Variants in LRCH1 observed in about 807,000 individuals in gnomAD.
LRCH1 encodes the protein leucine-rich repeat and calponin homology domain-containing protein 1.
In LRCH1, 23 loss-of-function variants were observed where a neutral mutation model predicts 94.9. The observed-to-expected ratio is 0.24, with a 90% confidence interval of 0.17 to 0.34. LRCH1 has a LOEUF of 0.34. LRCH1 is among the 10% of genes least tolerant of loss of function. The pLI, the probability that LRCH1 is intolerant of heterozygous loss-of-function variation, is 1.00. For synonymous variants in LRCH1, 364 were observed against 354.9 expected (o/e 1.03, Z -0.29); for missense variants, 790 against 945.9 (o/e 0.84, Z 2.16).
intron 1 of LRCH1, among the ~76,000 whole-genome samples, chr13:46,593,385 A>T (rs1001620625): frequency 1.3e-5 from 2 of 151,620 alleles, no homozygotes; most frequent in East Asian, 3.9e-4. Flanking sequence ...CCATTCTTCA[A>T]ACATTTCTAG....
rs1311415892 is a variant in LRCH1 at position 46,650,278 on chromosome 13, C to T, written c.385C>T (p.His129Tyr). 1.9e-6 allele frequency: 3 copies of T among 1,612,442 alleles called. No individual in the cohort carries two copies. The highest frequency in any genetic ancestry group is 2.5e-6 in the Non-Finnish European group (3 of 1,179,040). ...ATCACTGGAAATTCTTAATCTGTAT[C>T]ACAACTGTATCAGAGTCATTCCTGA... ...FVSLEILNLY[H>Y]NCIRVIPEAI... Residue 129 changes from histidine to tyrosine, a missense_variant, in exon 2 of 20, where the codon CAC (histidine) becomes TAC (tyrosine). By Grantham distance (83) the His-to-Tyr change is moderately conservative. This residue lies in a region of LRCH1 where 194 missense variants were observed against 293.5 expected (regional missense o/e 0.66). Coordinates refer to ENST00000389797, the MANE Select transcript of LRCH1 (RefSeq NM_001164211.2).
intron 2 of LRCH1, among the ~76,000 whole-genome samples, chr13:46,652,358 A>G (rs906002707): frequency 7.3e-5 from 11 of 151,262 alleles, no homozygotes; most frequent in Non-Finnish European, 1.3e-4. Flanking sequence ...TTACAGGCGT[A>G]AGCCACTGCG....
chr13:46,556,656 C>T (rs1460283012), intron 1 of LRCH1, among the ~76,000 whole-genome samples: 3 of 152,118 alleles, frequency 2.0e-5, no homozygotes, highest in Non-Finnish European at 4.4e-5. Context: ...GAGACAGAGA[C>T]AAGTTACATA....
chr13:46,738,045 T>C (rs1209642500), intron 19 of LRCH1, among the ~76,000 whole-genome samples: 2 of 152,194 alleles, frequency 1.3e-5, no homozygotes, highest in Non-Finnish European at 2.9e-5. Context: ...CTTGCCTTCT[T>C]TAGATGAGGG....
rs1224680836 is a variant in LRCH1 at position 46,719,775 on chromosome 13, A to T, written c.1760-3446A>T. 3.3e-5 allele frequency among the ~76,000 whole-genome samples: 5 copies of T among 152,276 alleles called. No individual in the cohort carries two copies. The South Asian group carries it at 1.0e-3, about 32-fold the overall frequency. ...GACTTTGGGAGGCTGAGGCAGGTGG[A>T]TCGCTTGAGGTCAGGAGTTCAAGAC... On this transcript the variant is annotated intron_variant, in intron 16 of 19. Coordinates refer to ENST00000389797, the MANE Select transcript of LRCH1 (RefSeq NM_001164211.2).
At chr13:46,567,295 A>G (rs2050194662) in intron 1 of LRCH1, among the ~76,000 whole-genome samples, 1 of 152,202 alleles carries the variant, frequency 6.6e-6, no homozygotes, top group Non-Finnish European at 1.5e-5. Flanking sequence ...AGATCTTTCT[A>G]TACATTAATT....
intron 1 of LRCH1, among the ~76,000 whole-genome samples, chr13:46,618,233 C>T (rs1371438417): frequency 6.6e-6 from 1 of 152,158 alleles, no homozygotes; most frequent in African/African-American, 2.4e-5. Flanking sequence ...TTCCTCTCCC[C>T]CTAACCTGAC....
At chr13:46,650,672 G>T (rs538024906) in intron 2 of LRCH1, among the ~76,000 whole-genome samples, 33 of 143,164 alleles carry the variant, frequency 2.3e-4, no homozygotes, top group Non-Finnish European at 4.1e-4. Context: ...TTTGGAGGAG[G>T]AAGTATAAAG....
intron 1 of LRCH1, among the ~76,000 whole-genome samples, chr13:46,595,129 G>C (rs2137969946): frequency 6.6e-6 from 1 of 152,190 alleles, no homozygotes; most frequent in South Asian, 2.1e-4. Context: ...TTCCATTCCT[G>C]GTCATTTATA....
chr13:46,686,005 A>C lies in LRCH1; in HGVS notation c.786A>C (p.Leu262=). Residue 262 remains leucine (L), a synonymous_variant, in exon 5 of 20, where the codon CTA becomes CTC. Coordinates refer to ENST00000389797, the MANE Select transcript of LRCH1 (RefSeq NM_001164211.2). Reference sequence around the variant, plus strand: ...AGATGAAGCAGCTGCAAGTGTTACTACTTGAGAATAACCCTCTGCAGTCTC... The same window carrying C: ...AGATGAAGCAGCTGCAAGTGTTACTCCTTGAGAATAACCCTCTGCAGTCTC... ...FREMKQLQVL[L]LENNPLQSPP... 3 of 1,609,446 alleles carry C rather than the reference A, an allele frequency of 1.9e-6. No homozygotes were observed. Among genetic ancestry groups the C allele is most frequent in the Non-Finnish European group, 2.5e-6 (3 of 1,178,358 alleles).
chr13:46,635,645 G>A (rs2051077158), intron 1 of LRCH1, among the ~76,000 whole-genome samples: 1 of 151,852 alleles, frequency 6.6e-6, no homozygotes, highest in African/African-American at 2.4e-5. Context: ...TAATTGTTTT[G>A]TATTTTTAGT....
intron 13 of LRCH1, among the ~76,000 whole-genome samples, chr13:46,706,661 G>A (rs1871777390): frequency 1.3e-5 from 2 of 152,002 alleles, no homozygotes; most frequent in African/African-American, 2.4e-5. Flanking sequence ...GGCTTCAAGC[G>A]ATACTTCCTC....
downstream of LRCH1, among the ~76,000 whole-genome samples, chr13:46,746,797 C>T (rs1400415866): frequency 6.6e-6 from 1 of 152,176 alleles, no homozygotes; most frequent in Non-Finnish European, 1.5e-5. Context: ...AGCTTCTGTG[C>T]ACACTTCAAG....
chr13:46,619,879 T>C (rs923978403), intron 1 of LRCH1, among the ~76,000 whole-genome samples: 3 of 152,200 alleles, frequency 2.0e-5, no homozygotes, highest in Non-Finnish European at 4.4e-5. Context: ...TCTCAGTCCT[T>C]GTGTTACTAC....
chr13:46,591,672 G>C (rs1395591910), intron 1 of LRCH1, among the ~76,000 whole-genome samples: 1 of 152,168 alleles, frequency 6.6e-6, no homozygotes, highest in African/African-American at 2.4e-5. Context: ...AGGGGCCCTA[G>C]AAAACCATCA....
intron 1 of LRCH1, among the ~76,000 whole-genome samples, chr13:46,641,827 C>A (rs58639289): frequency 0.085 from 12,928 of 152,226 alleles, 661 homozygotes; most frequent in Middle Eastern, 0.16. Flanking sequence ...GTTTTTCTAC[C>A]CTACCCTGCT....
chr13:46,750,623 C>T, exon 19 of LRCH1: 1 of 1,551,760 alleles, frequency 6.4e-7, no homozygotes, highest in Non-Finnish European at 8.7e-7. Context: ...TACTAGACAT[C>T]ACCGTAACGA....
At chr13:46,592,506 C>A (rs2050511751) in intron 1 of LRCH1, among the ~76,000 whole-genome samples, 1 of 152,212 alleles carries the variant, frequency 6.6e-6, no homozygotes, top group Admixed American at 6.5e-5. Context: ...GTTTTCTTCA[C>A]TGGTTCTCTA....
At chr13:46,658,628 C>T (rs2051406383) in intron 2 of LRCH1, among the ~76,000 whole-genome samples, 1 of 152,096 alleles carries the variant, frequency 6.6e-6, no homozygotes, top group Non-Finnish European at 1.5e-5. Context: ...TACAGGCATG[C>T]ACCACCATGC....
Sources: allele counts gnomAD v4.1 joint callset (sites outside exome capture counted in the v4.1 genomes callset), GRCh38; gene constraint gnomAD v4.1.1; regional missense constraint gnomAD v4.1.1; transcripts MANE v1.5; gene names NCBI Gene and HGNC (gene_info 2026-07-23, HGNC 2026-07-21).